Variants in SHANK2 observed in about 807,000 individuals in gnomAD.
SHANK2 encodes the protein SH3 and multiple ankyrin repeat domains protein 2.
In SHANK2, 43 loss-of-function variants were observed where a neutral mutation model predicts 133.7. The observed-to-expected ratio is 0.32, with a 90% confidence interval of 0.25 to 0.41. The LOEUF is 0.41. SHANK2 is among the 10% of genes least tolerant of loss of function. SHANK2 has a pLI of 1.00. For missense variants in SHANK2, 1,994 were observed against 2,235.8 expected (o/e 0.89, Z 2.18); for synonymous variants, 1,017 against 952.8 (o/e 1.07, Z -1.24).
chr11:70,707,115 T>C (rs1292564785), intron 14 of SHANK2, among the ~76,000 whole-genome samples: 1 of 152,064 alleles, frequency 6.6e-6, no homozygotes, highest in Non-Finnish European at 1.5e-5. Flanking sequence ...CTCACACCTG[T>C]AATCCTAGTA....
At chr11:70,504,966 T>C (rs2059116322) in intron 17 of SHANK2, among the ~76,000 whole-genome samples, 1 of 152,122 alleles carries the variant, frequency 6.6e-6, no homozygotes, top group Admixed American at 6.5e-5. Flanking sequence ...CTGTTCCCCG[T>C]ACCACTAAAA....
intron 17 of SHANK2, among the ~76,000 whole-genome samples, chr11:70,592,149 T>G (rs2060332868): frequency 6.6e-6 from 1 of 152,140 alleles, no homozygotes; most frequent in Admixed American, 6.5e-5. Flanking sequence ...TCTAATACTC[T>G]CCTGTGGCTC....
intron 17 of SHANK2, among the ~76,000 whole-genome samples, chr11:70,515,321 GA>G: frequency 6.6e-6 from 1 of 152,196 alleles, no homozygotes. Flanking sequence ...CTACAGGCAT[GA>G]ACCACTGCGC....
At chr11:70,643,699 T>A (rs1482539462) in intron 17 of SHANK2, among the ~76,000 whole-genome samples, 5 of 152,212 alleles carry the variant, frequency 3.3e-5, no homozygotes, top group African/African-American at 1.2e-4. Context: ...CTTTCTTTTA[T>A]ACGTTGGCAT....
At chr11:70,512,106 C>G (rs527697110) in intron 17 of SHANK2, among the ~76,000 whole-genome samples, 1 of 152,292 alleles carries the variant, frequency 6.6e-6, no homozygotes, top group South Asian at 2.1e-4. Context: ...TGACTTGGCT[C>G]AGAGTTTGTG....
chr11:70,746,539 C>T (rs1555036141), intron 14 of SHANK2, among the ~76,000 whole-genome samples: 3 of 151,716 alleles, frequency 2.0e-5, no homozygotes, highest in South Asian at 4.2e-4. Flanking sequence ...TCTCCTCTCC[C>T]ACCACTCTCC....
intron 10 of SHANK2, among the ~76,000 whole-genome samples, chr11:70,900,893 G>C (rs1210783957): frequency 6.6e-6 from 1 of 152,234 alleles, no homozygotes; most frequent in East Asian, 1.9e-4. Context: ...GTCAGGCTCA[G>C]CATTGCTGGT....
chr11:70,872,959 C>T, intron 11 of SHANK2: 1 of 469,564 alleles, frequency 2.1e-6, no homozygotes, highest in Non-Finnish European at 4.4e-6. Flanking sequence ...TCATGACCTC[C>T]ACCTCCCCCA....
chr11:70,815,173 GAA>G (rs1286590848), intron 12 of SHANK2, among the ~76,000 whole-genome samples: 7 of 117,962 alleles, frequency 5.9e-5, no homozygotes, highest in African/African-American at 2.3e-4. Flanking sequence ...GATGGGAGAA[GAA>G]ACACACACAC....
intron 17 of SHANK2, among the ~76,000 whole-genome samples, chr11:70,651,292 G>C (rs892010765): frequency 2.6e-5 from 4 of 152,140 alleles, no homozygotes; most frequent in African/African-American, 9.7e-5. Context: ...AAATGAACGA[G>C]CCAAGACTTC....
intron 9 of SHANK2, among the ~76,000 whole-genome samples, chr11:71,064,520 T>C (rs1951023489): frequency 1.3e-5 from 2 of 149,922 alleles, no homozygotes; most frequent in Admixed American, 6.6e-5. Context: ...GCAAAGGGGG[T>C]TCTCAGCAGG....
intron 11 of SHANK2, among the ~76,000 whole-genome samples, chr11:70,840,072 A>G (rs2921341): frequency 0.62 from 94,567 of 152,100 alleles, 29,913 homozygotes; most frequent in South Asian, 0.77. Context: ...GGGGCCCACC[A>G]GCTGACTCCC....
At chr11:70,911,077 C>T (rs1950184753) in intron 10 of SHANK2, 4 of 456,832 alleles carry the variant, frequency 8.8e-6, no homozygotes, top group South Asian at 6.2e-5. Context: ...CCCCAGACTT[C>T]CTCCAAAATC....
At chr11:71,242,453 T>C (rs1591048158) in intron 1 of SHANK2, among the ~76,000 whole-genome samples, 1 of 152,238 alleles carries the variant, frequency 6.6e-6, no homozygotes, top group Non-Finnish European at 1.5e-5. Flanking sequence ...CAATTTCCAC[T>C]GAACTCTTCC....
chr11:70,655,923 C>A (rs1310971211), intron 17 of SHANK2, among the ~76,000 whole-genome samples: 4 of 152,250 alleles, frequency 2.6e-5, no homozygotes, highest in South Asian at 2.1e-4. Context: ...TGATTCAGGG[C>A]GTGTGGGCTG....
In SHANK2 at chr11:70,472,462, C is replaced by T. The variant is rs2058608349; in HGVS notation, c.*407G>A. On this transcript the variant is annotated 3_prime_UTR_variant, in exon 26 of 26. Coordinates refer to ENST00000601538, the MANE Select transcript of SHANK2 (RefSeq NM_012309.5). The surrounding 1 kb of genome is among the most constrained non-coding windows in gnomAD (Gnocchi z 4.4). ...ATGCCGGGGCCTGGGGTGGTGAGAG[C>T]TGCCCGGAAAGCAGAGGACGGAGGT... The T allele has an allele frequency of 1.5e-5, 4 of 269,596 alleles. No homozygotes were observed. Among genetic ancestry groups the T allele is most frequent in the South Asian group, 1.3e-4 (3 of 22,680 alleles). The allele number at this position is 269,596 out of a possible 1,614,324, so 16.7% of individuals were successfully genotyped here.
At chr11:70,673,268 T>C (rs1195030735) in intron 15 of SHANK2, among the ~76,000 whole-genome samples, 22 of 151,342 alleles carry the variant, frequency 1.5e-4, no homozygotes, top group Non-Finnish European at 2.9e-5. Context: ...AGCCTCAGCC[T>C]TTGACTCTGA....
intron 8 of SHANK2, among the ~76,000 whole-genome samples, chr11:71,085,066 G>A (rs921218811): frequency 0.029 from 4,487 of 152,182 alleles, 85 homozygotes; most frequent in Middle Eastern, 0.068. Context: ...TCTGTCATGT[G>A]CCTGGAAGGG....
At position 71,210,502 on chromosome 11, in the gene SHANK2, G is replaced by A. The variant is rs372894322; in HGVS notation, c.-13+14195C>T. On this transcript the variant is annotated intron_variant, in intron 2 of 25. Coordinates refer to ENST00000601538, the MANE Select transcript of SHANK2 (RefSeq NM_012309.5). ...CCTGACCTTGCGATCCACCCACCTC[G>A]GCCTCCCAAAGTGCTGGGATTACAG... 2.6e-5 allele frequency among the ~76,000 whole-genome samples: 4 copies of A among 151,554 alleles called. No individual in the cohort carries two copies. The East Asian group carries it at 5.9e-4, about 22-fold the overall frequency.
Sources: allele counts gnomAD v4.1 joint callset (sites outside exome capture counted in the v4.1 genomes callset), GRCh38; gene constraint gnomAD v4.1.1; non-coding constraint Gnocchi (gnomAD v3.1); transcripts MANE v1.5; gene names NCBI Gene and HGNC (gene_info 2026-07-23, HGNC 2026-07-21).